Variants in ARMC3 observed in about 807,000 individuals in gnomAD.
ARMC3 encodes the protein armadillo repeat containing 3.
Under a neutral mutation model 90.3 loss-of-function variants are expected in ARMC3, and 74 were observed. That is an observed-to-expected ratio of 0.82 (90% confidence interval 0.68 to 0.99). ARMC3 has a LOEUF of 0.99. Ranked by LOEUF, ARMC3 falls within the 50% of genes least tolerant of loss-of-function variation. The pLI, the probability that ARMC3 is intolerant of heterozygous loss-of-function variation, is 0.00. For synonymous variants in ARMC3, 334 were observed against 361.8 expected (o/e 0.92, Z 0.87); for missense variants, 958 against 1,042.8 (o/e 0.92, Z 1.12).
At chr10:22,929,316 G>A (rs765178320) in intron 1 of ARMC3, among the ~76,000 whole-genome samples, 15 of 61,548 alleles carry the variant, frequency 2.4e-4, no homozygotes, top group Non-Finnish European at 3.9e-4. Flanking sequence ...AAAAGAAAAA[G>A]AAAGGAAAGG....
At chr10:23,028,079 GC>G (rs1838785501) in intron 16 of ARMC3, among the ~76,000 whole-genome samples, 1 of 152,150 alleles carries the variant, frequency 6.6e-6, no homozygotes, top group Non-Finnish European at 1.5e-5. Context: ...GAAGTTTGAG[GC>G]TACAGTGAGA....
chr10:22,952,480 TA>T (rs936064425), intron 3 of ARMC3, among the ~76,000 whole-genome samples: 9 of 152,064 alleles, frequency 5.9e-5, no homozygotes, highest in African/African-American at 2.2e-4. Flanking sequence ...CCAAGCTCAC[TA>T]AAAAAAGACA....
intron 11 of ARMC3, among the ~76,000 whole-genome samples, chr10:23,000,659 T>C (rs1171601002): frequency 6.6e-6 from 1 of 152,232 alleles, no homozygotes; most frequent in Non-Finnish European, 1.5e-5. Context: ...CTATCTCATA[T>C]TATACCTTAT....
Position 22,959,081 on chromosome 10 carries a change from A to C in ARMC3, c.304A>C (p.Lys102Gln). The C allele has an allele frequency of 6.2e-7, 1 of 1,610,700 alleles. No homozygotes were observed. Among genetic ancestry groups the C allele is most frequent in the Non-Finnish European group, 8.5e-7 (1 of 1,176,908 alleles). The part of the protein sequence containing the change: ...GILASNNDVK[K>Q]LLRELDVMNS... ...TTCTTCCTTTGTAGATGATGTTAAA[A>C]AATTGTTAAGGGAGTTAGATGTCAT... is the stretch of plus-strand genomic sequence containing the variant. Residue 102 changes from lysine to glutamine, a missense_variant, in exon 5 of 19, where the codon AAA becomes CAA. By Grantham distance (53) the Lys-to-Gln change is moderately conservative. Coordinates refer to ENST00000298032, the MANE Select transcript of ARMC3 (RefSeq NM_173081.5).
At chr10:23,006,118 C>T (rs1025527152) in intron 13 of ARMC3, among the ~76,000 whole-genome samples, 9 of 152,074 alleles carry the variant, frequency 5.9e-5, no homozygotes, top group Admixed American at 3.3e-4. Context: ...GTTTTCTAGG[C>T]AGAAGAATCA....
At chr10:22,975,321 G>A (rs914787386) in intron 8 of ARMC3, among the ~76,000 whole-genome samples, 15 of 152,150 alleles carry the variant, frequency 9.9e-5, no homozygotes, top group African/African-American at 2.9e-4. Context: ...TTGGGAGGCC[G>A]AGGCGGGTGG....
intron 16 of ARMC3, chr10:23,014,270 G>C: frequency 2.0e-6 from 3 of 1,475,322 alleles, no homozygotes; most frequent in Non-Finnish European, 2.7e-6. Flanking sequence ...GAGGAGAGAT[G>C]GTGTCAGGAA....
chr10:22,977,854 C>T (rs1019799700), intron 8 of ARMC3, among the ~76,000 whole-genome samples: 5 of 152,196 alleles, frequency 3.3e-5, no homozygotes, highest in African/African-American at 9.7e-5. Flanking sequence ...TGAATGAATG[C>T]TCTTCTCATT....
rs542605405 is a variant in ARMC3 at position 22,978,815 on chromosome 10, A to G, written c.917-2525A>G. Reference sequence around the variant, plus strand: ...ACTGTTATTATACAATGTAACTATCAATAGCAATTTATACACTTATTTTTA... The same window carrying G: ...ACTGTTATTATACAATGTAACTATCGATAGCAATTTATACACTTATTTTTA... On this transcript the variant is annotated intron_variant, in intron 8 of 18. Coordinates refer to ENST00000298032, the MANE Select transcript of ARMC3 (RefSeq NM_173081.5). 7.2e-5 allele frequency among the ~76,000 whole-genome samples: 11 copies of G among 152,338 alleles called. No homozygotes were observed. The South Asian group carries it at 2.1e-3, about 29-fold the overall frequency.
intron 1 of ARMC3, among the ~76,000 whole-genome samples, chr10:22,930,047 T>G (rs1418665221): frequency 6.6e-6 from 1 of 152,226 alleles, no homozygotes; most frequent in African/African-American, 2.4e-5. Context: ...ATTAAATTGC[T>G]TCCTGAATAT....
At chr10:23,022,193 T>C (rs1363129499) in intron 16 of ARMC3, among the ~76,000 whole-genome samples, 1 of 152,238 alleles carries the variant, frequency 6.6e-6, no homozygotes, top group Non-Finnish European at 1.5e-5. Flanking sequence ...AGGGCTAGCA[T>C]TAATTTTGAG....
intron 8 of ARMC3, among the ~76,000 whole-genome samples, chr10:22,974,922 A>G (rs75411395): frequency 0.017 from 2 of 116 alleles, no homozygotes; most frequent in Admixed American, 0.12. Flanking sequence ...GATTATAGGC[A>G]TGAGCCCCAC....
At chr10:23,033,126 C>A in intron 18 of ARMC3, 103 bp downstream of exon 18, 1 of 1,124,804 alleles carries the variant, frequency 8.9e-7, no homozygotes, top group South Asian at 1.4e-5. Flanking sequence ...ATTATTAATT[C>A]TACCATTTAG....
chr10:22,940,092 C>T (rs1350317841), intron 2 of ARMC3, among the ~76,000 whole-genome samples: 2 of 151,974 alleles, frequency 1.3e-5, no homozygotes, highest in South Asian at 4.2e-4. Context: ...AGATATATAC[C>T]ATGCAAACAC....
intron 8 of ARMC3, 101 bp from the exon 9 acceptor site, chr10:22,981,239 C>G: frequency 8.7e-7 from 1 of 1,145,546 alleles, no homozygotes; most frequent in Non-Finnish European, 1.2e-6. Context: ...CTAAAACTAC[C>G]AAATTGTTTG....
At chr10:23,010,545 TTC>T (rs1202873336) in intron 16 of ARMC3, among the ~76,000 whole-genome samples, 4 of 2,624 alleles carry the variant, frequency 1.5e-3, no homozygotes, top group Non-Finnish European at 6.6e-3. Context: ...CCCTTCCCTG[TTC>T]TCTTCTTTTC....
At chr10:22,934,746 G>T (rs1249638812) in intron 2 of ARMC3, among the ~76,000 whole-genome samples, 1 of 152,196 alleles carries the variant, frequency 6.6e-6, no homozygotes, top group East Asian at 1.9e-4. Flanking sequence ...AGTGAAGGAA[G>T]GTTAGATCAA....
rs774230557 is a variant in ARMC3, at chr10:23,007,694, G to A, written c.1830-582G>A. Among the ~76,000 whole-genome samples, 704 of 87,772 alleles carry A rather than the reference G, an allele frequency of 8.0e-3. 5 individuals carry two copies. Among genetic ancestry groups the A allele is most frequent in the Non-Finnish European group, 0.012 (526 of 45,626 alleles). The allele number at this position is 87,772 out of a possible 152,430, so 57.6% of individuals were successfully genotyped here. A position where few individuals can be genotyped will look rare whatever the true frequency, so the allele number is the denominator to read the frequency against. On this transcript the variant is annotated intron_variant, in intron 14 of 18. Transcript: ENST00000298032. ...TAGCCTGGCAACAGAGCAAGACTCC[G>A]TCTCAAAAAAAAAAAAAAAAAAAGA...
intron 2 of ARMC3, among the ~76,000 whole-genome samples, chr10:22,940,581 G>A (rs945350083): frequency 2.0e-5 from 3 of 151,980 alleles, no homozygotes. Context: ...TGAACTCCCT[G>A]GTCAAGCGAT....
Sources: gnomAD v4.1 joint callset for allele counts (sites outside exome capture counted in the v4.1 genomes callset) on GRCh38, gnomAD v4.1.1 for gene constraint, MANE v1.5 for transcripts, NCBI Gene and HGNC (gene_info 2026-07-23, HGNC 2026-07-21) for gene names.